Variants in SERPINA4 observed in about 807,000 individuals in gnomAD.
The protein encoded by SERPINA4 is kallistatin.
Under a neutral mutation model 25.4 loss-of-function variants are expected in SERPINA4, and 24 were observed. The observed-to-expected ratio is 0.95, with a 90% CI of 0.69 to 1.33. The LOEUF is 1.33. SERPINA4 is among the 40% of genes most tolerant of loss of function. SERPINA4 has a pLI of 0.00. For synonymous variants in SERPINA4, 242 were observed against 223.6 expected (o/e 1.08, Z -0.73); for missense variants, 553 against 535.8 (o/e 1.03, Z -0.32).
chr14:94,563,694 C>T lies in SERPINA4; in HGVS notation c.212C>T (p.Pro71Leu), dbSNP rs373612181. The stretch of plus-strand genomic sequence containing the variant: ...TACTACCTGATCGCTTCGGAGACCC[C>T]GGGGAAGAACATCTTTTTCTCCCCG... ...RFYYLIASET[P>L]GKNIFFSPLS... The change falls in exon 2 of 5, where the codon CCG becomes CTG. Residue 71 changes from proline (P) to leucine (L), a missense_variant. By Grantham distance (98) the Pro-to-Leu change is moderately conservative. Coordinates refer to ENST00000557004, the MANE Select transcript of SERPINA4 (RefSeq NM_006215.4). The T allele has an allele frequency of 8.7e-5, 140 of 1,613,756 alleles. No homozygotes were observed. Among genetic ancestry groups the T allele is most frequent in the Non-Finnish European group, 1.1e-4 (131 of 1,180,046 alleles).
rs1171051852 is a variant in SERPINA4, at chr14:94,563,479, G to A, written c.-4G>A. On this transcript the variant is annotated 5_prime_UTR_variant, in exon 2 of 5. Coordinates refer to ENST00000557004, the MANE Select transcript of SERPINA4 (RefSeq NM_006215.4). ...TCCCTCCCATAGGCCTGAGAGTGCAGAGGATGCATCTTATCGACTACCTGC... is the reference window on the plus strand; with the variant it reads ...TCCCTCCCATAGGCCTGAGAGTGCAAAGGATGCATCTTATCGACTACCTGC... The A allele has an allele frequency of 6.8e-6, 11 of 1,608,508 alleles. No homozygotes were observed. The highest frequency in any genetic ancestry group is 1.7e-4 in the Middle Eastern group (1 of 6,008).
Position 94,563,497 on chromosome 14 carries a change from C to T in SERPINA4, c.15C>T (p.Asp5=). ...GAGTGCAGAGGATGCATCTTATCGA[C>T]TACCTGCTCCTCCTGCTGGTTGGAC... MHLI[D]YLLLLLVGLL... Residue 5 remains aspartate, a synonymous_variant, in exon 2 of 5, where the codon GAC becomes GAT. Transcript: ENST00000557004. 6.2e-7 allele frequency: 1 copy of T among 1,613,160 alleles called. No homozygotes were observed. Among genetic ancestry groups the T allele is most frequent in the Non-Finnish European group, 8.5e-7 (1 of 1,179,498 alleles).
chr14:94,567,581 G>T (rs971850206), intron 3 of SERPINA4, among the ~76,000 whole-genome samples: 1 of 152,142 alleles, frequency 6.6e-6, no homozygotes, highest in Non-Finnish European at 1.5e-5. Context: ...GGCCCAGAAG[G>T]TTGACTAAGC....
intron 2 of SERPINA4, among the ~76,000 whole-genome samples, chr14:94,565,926 C>CTAAGGAAGGAAG (rs1902190743): frequency 6.6e-6 from 1 of 152,126 alleles, no homozygotes; most frequent in African/African-American, 2.4e-5. Context: ...GGAAGAGAAA[C>CTAAGGAAGGAAG]AGTAGTATGG....
At chr14:94,568,838 T>A (rs1199600111) in intron 4 of SERPINA4, among the ~76,000 whole-genome samples, 1 of 137,844 alleles carries the variant, frequency 7.3e-6, no homozygotes, top group Admixed American at 7.7e-5. Context: ...CACTCCAGCC[T>A]GGGTGACAAA....
At chr14:94,565,300 G>A (rs996329520) in intron 2 of SERPINA4, among the ~76,000 whole-genome samples, 4 of 152,168 alleles carry the variant, frequency 2.6e-5, no homozygotes, top group African/African-American at 9.7e-5. Flanking sequence ...CTTGGGAAAT[G>A]AGCTTGGAGA....
chr14:94,566,804 G>T (rs1211797359), intron 2 of SERPINA4, among the ~76,000 whole-genome samples, 166 bp from the exon 3 acceptor site: 1 of 152,166 alleles, frequency 6.6e-6, no homozygotes, highest in Non-Finnish European at 1.5e-5. Context: ...CATTCCCCAG[G>T]CATGTCAGGT....
Position 94,569,441 on chromosome 14 carries a change from C to A in SERPINA4, c.1130C>A (p.Ala377Asp), listed in dbSNP as rs1302551894. 5.0e-6 allele frequency: 8 copies of A among 1,614,076 alleles called. No individual in the cohort carries two copies. The highest frequency in any genetic ancestry group is 6.8e-6 in the Non-Finnish European group (8 of 1,180,042). ...TLDVDEAGTE[A>D]AAATSFAIKF... is the part of the protein sequence containing the mutation. ...GACGTGGATGAGGCTGGCACCGAGG[C>A]TGCAGCAGCCACCAGCTTCGCGATC... is the stretch of plus-strand genomic sequence containing the variant. The change falls in exon 5 of 5, where the codon GCT (alanine) becomes GAT (aspartate). Residue 377 changes from alanine to aspartate, a missense_variant. Transcript: ENST00000557004.
chr14:94,563,403 C>T (rs1902085782), intron 1 of SERPINA4, 63 bp from the exon 2 acceptor site: 3 of 1,511,748 alleles, frequency 2.0e-6, no homozygotes, highest in Admixed American at 3.9e-5. Flanking sequence ...CACTGCCAGC[C>T]TTCTCAGTAG....
intron 1 of SERPINA4, among the ~76,000 whole-genome samples, chr14:94,562,223 G>A (rs1375684431): frequency 3.3e-5 from 5 of 152,226 alleles, no homozygotes; most frequent in African/African-American, 1.2e-4. Flanking sequence ...TGCCACAGCA[G>A]AGTTGGGTAG....
rs772010725 is a variant in SERPINA4, at chr14:94,568,252, C to T, written c.1047C>T (p.Ser349=). 4.0e-5 allele frequency: 64 copies of T among 1,614,046 alleles called. No homozygotes were observed. The highest frequency in any genetic ancestry group is 1.1e-4 in the South Asian group (10 of 91,088). ...TDLFSKWADL[S]GITKQQKLEA... ...TGTTCTCCAAGTGGGCTGACTTATCCGGCATCACCAAACAGCAAAAACTGG... is the reference window on the plus strand; with the variant it reads ...TGTTCTCCAAGTGGGCTGACTTATCTGGCATCACCAAACAGCAAAAACTGG... Residue 349 remains serine (S), a synonymous_variant, in exon 4 of 5, where the codon TCC becomes TCT. Transcript: ENST00000557004.
chr14:94,564,888 C>T (rs1207738707), intron 2 of SERPINA4, among the ~76,000 whole-genome samples: 1 of 152,196 alleles, frequency 6.6e-6, no homozygotes, highest in Non-Finnish European at 1.5e-5. Flanking sequence ...ATCTCTAGTC[C>T]TACCACTCAG....
chr14:94,564,129 A>G lies in SERPINA4; in HGVS notation c.647A>G (p.Lys216Arg). The G allele has an allele frequency of 6.3e-7, 1 of 1,599,882 alleles. No homozygotes were observed. The highest frequency in any genetic ancestry group is 8.5e-7 in the Non-Finnish European group (1 of 1,179,796). Residue 216 changes from lysine (K) to arginine (R), a missense_variant and splice_region_variant, in exon 2 of 5, where the codon AAA becomes AGA. Coordinates refer to ENST00000557004, the MANE Select transcript of SERPINA4 (RefSeq NM_006215.4). ...LMVLVNYIYF[K>R]ALWEKPFISS... Reference sequence around the variant, plus strand: ...GTGCTGGTGAATTACATTTACTTCAAAGGTGAGAGTCAGATCATTGGTATA... The same window carrying G: ...GTGCTGGTGAATTACATTTACTTCAGAGGTGAGAGTCAGATCATTGGTATA...
At chr14:94,566,181 T>C (rs1044366443) in intron 2 of SERPINA4, among the ~76,000 whole-genome samples, 1 of 152,106 alleles carries the variant, frequency 6.6e-6, no homozygotes, top group Non-Finnish European at 1.5e-5. Flanking sequence ...ATACTTACCC[T>C]CCAAAGCTGC....
In SERPINA4 at chr14:94,569,505, A is replaced by G; in HGVS notation, c.1194A>G (p.Arg398=). 6.2e-7 allele frequency: 1 copy of G among 1,614,200 alleles called. No homozygotes were observed. The highest frequency in any genetic ancestry group is 8.5e-7 in the Non-Finnish European group (1 of 1,180,038). The part of the protein sequence containing the change: ...FSAQTNRHIL[R]FNRPFLVVIF... Reference sequence around the variant, plus strand: ...CCCAGACCAATCGCCACATCCTGCGATTCAACCGGCCCTTCCTTGTGGTGA... The same window carrying G: ...CCCAGACCAATCGCCACATCCTGCGGTTCAACCGGCCCTTCCTTGTGGTGA... The change falls in exon 5 of 5, where the codon CGA becomes CGG. Residue 398 remains arginine (R), a synonymous_variant. Coordinates refer to ENST00000557004, the MANE Select transcript of SERPINA4 (RefSeq NM_006215.4).
Position 94,569,773 on chromosome 14 carries a change from C to T in SERPINA4, c.*178C>T. The T allele has an allele frequency of 3.1e-6, 2 of 640,352 alleles. No individual in the cohort carries two copies. The highest frequency in any genetic ancestry group is 5.4e-6 in the Non-Finnish European group (2 of 370,590). The allele number at this position is 640,352 out of a possible 1,614,324, so 39.7% of individuals were successfully genotyped here. ...GGCACTGAGATGGGCAGGGCCTGGACATTCCACACCCTGGTGCTGTGCAGC... is the reference window on the plus strand; with the variant it reads ...GGCACTGAGATGGGCAGGGCCTGGATATTCCACACCCTGGTGCTGTGCAGC... On this transcript the variant is annotated 3_prime_UTR_variant, in exon 5 of 5. Transcript: ENST00000557004.
At chr14:94,568,483 C>A (rs919267822) in intron 4 of SERPINA4, among the ~76,000 whole-genome samples, 195 bp downstream of exon 4, 1 of 152,142 alleles carries the variant, frequency 6.6e-6, no homozygotes, top group African/African-American at 2.4e-5. Context: ...AGTGTTGAAC[C>A]AGCCCCTGCC....
At chr14:94,564,388 C>T (rs999512978) in intron 2 of SERPINA4, among the ~76,000 whole-genome samples, 5 of 152,158 alleles carry the variant, frequency 3.3e-5, no homozygotes, top group Non-Finnish European at 5.9e-5. Flanking sequence ...AGCCAGTGAT[C>T]ATTAGTTGAA....
rs1295377722 is a variant in SERPINA4, at chr14:94,564,170, A to C, written c.649+39A>C. 3 of 1,565,314 alleles carry C rather than the reference A, an allele frequency of 1.9e-6. No homozygotes were observed. In the South Asian group the frequency reaches 3.3e-5, roughly 17 times the overall value. On this transcript the variant is annotated intron_variant, in intron 2 of 4. Coordinates refer to ENST00000557004, the MANE Select transcript of SERPINA4 (RefSeq NM_006215.4). ...CATTGGTATATGCTAAATCCACACC[A>C]CCGCCTCCAACCCACTAATTTGTTG... is the stretch of plus-strand genomic sequence containing the variant.
Sources: allele counts gnomAD v4.1 joint callset (sites outside exome capture counted in the v4.1 genomes callset), GRCh38; gene constraint gnomAD v4.1.1; transcripts MANE v1.5; gene names NCBI Gene and HGNC (gene_info 2026-07-23, HGNC 2026-07-21).